Variants in APAF1 observed in about 807,000 individuals in gnomAD.
APAF1 encodes apoptotic protease-activating factor 1.
APAF1 carries 91 observed loss-of-function variants against 152.4 expected under a neutral mutation model. The observed-to-expected ratio is 0.60, with a 90% CI of 0.50 to 0.71. The LOEUF is 0.71. APAF1 is among the 30% of genes least tolerant of loss of function. APAF1 has a pLI of 0.00. For missense variants in APAF1, 1,283 were observed against 1,472.0 expected, an observed-to-expected ratio of 0.87 and a Z score of 2.10; for synonymous variants, 484 against 494.1, an observed-to-expected ratio of 0.98 and a Z score of 0.27.
At chr12:98,710,172 C>T (rs1056140925) in intron 20 of APAF1, among the ~76,000 whole-genome samples, 9 of 146,896 alleles carry the variant, frequency 6.1e-5, no homozygotes, top group African/African-American at 2.0e-4. Context: ...CCGTGCCCGG[C>T]CTAAGGGTTT....
intron 4 of APAF1, among the ~76,000 whole-genome samples, chr12:98,653,259 T>G (rs1324571055): frequency 6.6e-6 from 1 of 152,192 alleles, no homozygotes; most frequent in Non-Finnish European, 1.5e-5. Flanking sequence ...ACCTTTTCTT[T>G]TAAAAGTACA....
intron 7 of APAF1, among the ~76,000 whole-genome samples, chr12:98,665,186 C>T (rs142112677): frequency 6.7e-6 from 1 of 149,840 alleles, no homozygotes; most frequent in East Asian, 1.9e-4. Flanking sequence ...CACACCACCA[C>T]ACCTGGCTGA....
At position 98,659,331 on chromosome 12, in the gene APAF1, G is replaced by C; in HGVS notation, c.698G>C (p.Arg233Pro). ...GACCGTCTCCGCATTCTGATGCTTCGCAAACACCCAAGGTACCGATGGTCA... is the reference window on the plus strand; with the variant it reads ...GACCGTCTCCGCATTCTGATGCTTCCCAAACACCCAAGGTACCGATGGTCA... The part of the protein sequence containing the change: ...AKDRLRILML[R>P]KHPRSLLILD... The change falls in exon 5 of 27, where the codon CGC (arginine) becomes CCC (proline). Residue 233 changes from arginine (R) to proline (P), a missense_variant. Arg to Pro is a moderately radical substitution (Grantham distance 103). Transcript: ENST00000551964. 6.2e-7 allele frequency: 1 copy of C among 1,614,102 alleles called. No individual in the cohort carries two copies.
chr12:98,662,444 T>G lies in APAF1; in HGVS notation c.711-12T>G. ...AGTGTCATTAGTGATTAATATTTTT[T>G]TTTTAAATTAGGTCTCTCTTGATCT... On this transcript the variant is annotated splice_polypyrimidine_tract_variant and intron_variant, in intron 5 of 26. Coordinates refer to ENST00000551964, the MANE Select transcript of APAF1 (RefSeq NM_181861.2). The G allele has an allele frequency of 1.3e-6, 2 of 1,583,038 alleles. No individual in the cohort carries two copies. The highest frequency in any genetic ancestry group is 1.7e-6 in the Non-Finnish European group (2 of 1,152,164).
chr12:98,672,316 C>G lies in APAF1; in HGVS notation c.1793+597C>G, dbSNP rs536014845. ...AGTAGCTGGGATTATAGGCGCCCAC[C>G]ACCATGCCTGTCTAGTTTTTATATT... On this transcript the variant is annotated intron_variant, in intron 12 of 26. Transcript: ENST00000551964. Among the ~76,000 whole-genome samples, 64 of 152,208 alleles carry G rather than the reference C, an allele frequency of 4.2e-4. No individual in the cohort carries two copies. In the South Asian group the frequency reaches 0.013, roughly 31 times the overall value.
At position 98,677,428 on chromosome 12, in the gene APAF1, CA is replaced by C. The variant is rs758129366; in HGVS notation, c.1805del (p.Asn602ThrfsTer8). The C allele has an allele frequency of 1.9e-6, 3 of 1,612,754 alleles. No homozygotes were observed. The highest frequency in any genetic ancestry group is 2.5e-6 in the Non-Finnish European group (3 of 1,179,282). On this transcript the variant is annotated frameshift_variant, in exon 13 of 27. Coordinates refer to ENST00000551964, the MANE Select transcript of APAF1 (RefSeq NM_181861.2). LOFTEE classifies it high-confidence loss of function. Reference protein sequence around the residue: ...NGMLYLEWINKKNITNLSRLV... With the variant: ...NGMLYLEWINXKNITNLSRLV... The stretch of plus-strand genomic sequence containing the variant: ...TTCATTTTTTCCCTGTATTTAGAAA[CA>C]AAAAAAACATCACGAATCTTTCCCG...
chr12:98,688,000 C>T (rs1322656826), intron 16 of APAF1, among the ~76,000 whole-genome samples: 3 of 151,990 alleles, frequency 2.0e-5, no homozygotes, highest in African/African-American at 7.3e-5. Flanking sequence ...TTAGTAGAGA[C>T]GGAGTTTCAC....
In APAF1 at chr12:98,732,839, A is replaced by G; in HGVS notation, c.*273A>G. ...CATACCTTGTTGTACTGTTGGTAAA[A>G]TTCTGTCTTGATGCATTCAAAATGG... On this transcript the variant is annotated 3_prime_UTR_variant, in exon 27 of 27. Transcript: ENST00000551964. 2.6e-6 allele frequency: 1 copy of G among 389,612 alleles called. No homozygotes were observed. Among genetic ancestry groups the G allele is most frequent in the East Asian group, 5.8e-5 (1 of 17,278 alleles). 24.1% of individuals were successfully genotyped at this position (389,612 alleles called of 1,614,324 possible).
intron 2 of APAF1, 43 bp from the exon 3 acceptor site, chr12:98,648,583 T>C (rs202244203): frequency 1.0e-4 from 166 of 1,610,242 alleles, no homozygotes; most frequent in Middle Eastern, 8.3e-4. Context: ...TTATGTTGCA[T>C]ACATATTCAT....
intron 22 of APAF1, among the ~76,000 whole-genome samples, chr12:98,717,158 G>A (rs1209256494): frequency 7.9e-5 from 12 of 151,842 alleles, no homozygotes; most frequent in Non-Finnish European, 1.5e-4. Context: ...ATGAGCCCCC[G>A]CACCTGGCCT....
At chr12:98,676,445 G>C (rs2097686598) in intron 12 of APAF1, among the ~76,000 whole-genome samples, 1 of 152,046 alleles carries the variant, frequency 6.6e-6, no homozygotes, top group African/African-American at 2.4e-5. Context: ...CTGACCTCAA[G>C]TGATCTGCCC....
intron 4 of APAF1, among the ~76,000 whole-genome samples, chr12:98,652,035 G>A (rs191682576): frequency 8.5e-4 from 130 of 152,188 alleles, no homozygotes; most frequent in Admixed American, 2.2e-3. Context: ...GGTTGGTCTC[G>A]AACTCCTGAG....
intron 4 of APAF1, among the ~76,000 whole-genome samples, chr12:98,654,580 G>T (rs1363903383): frequency 6.6e-6 from 1 of 151,872 alleles, no homozygotes; most frequent in African/African-American, 2.4e-5. Flanking sequence ...GCTAATTTTT[G>T]TATTTTTAGT....
intron 22 of APAF1, among the ~76,000 whole-genome samples, chr12:98,717,365 C>T (rs1361421264): frequency 6.6e-6 from 1 of 151,172 alleles, no homozygotes; most frequent in African/African-American, 2.4e-5. Flanking sequence ...CACACACACA[C>T]ACATATAATT....
chr12:98,718,332 A>C (rs1213697874), intron 22 of APAF1, among the ~76,000 whole-genome samples: 2 of 152,066 alleles, frequency 1.3e-5, no homozygotes, highest in Non-Finnish European at 2.9e-5. Context: ...TCCGAGGTTC[A>C]AGTGATTCTT....
At chr12:98,715,234 GCATATATATATA>G (rs1281164804) in intron 21 of APAF1, among the ~76,000 whole-genome samples, 181 bp from the exon 22 acceptor site, 684 of 58,344 alleles carry the variant, frequency 0.012, 7 homozygotes, top group Non-Finnish European at 0.017. Context: ...TACATGGTGT[GCATATATATATA>G]TATATATATA....
chr12:98,670,156 G>T (rs868615024), intron 10 of APAF1, among the ~76,000 whole-genome samples: 2 of 152,188 alleles, frequency 1.3e-5, no homozygotes, highest in African/African-American at 4.8e-5. Context: ...TGTTGCCCAG[G>T]CTGATCTTGA....
chr12:98,654,904 A>G (rs1173145716), intron 4 of APAF1, among the ~76,000 whole-genome samples: 3 of 124,546 alleles, frequency 2.4e-5, no homozygotes, highest in Non-Finnish European at 3.3e-5. Context: ...TCATGGGACA[A>G]TAGTGGAGGG....
chr12:98,667,102 A>G (rs2097673837), intron 9 of APAF1, among the ~76,000 whole-genome samples: 1 of 150,104 alleles, frequency 6.7e-6, no homozygotes, highest in South Asian at 2.1e-4. Flanking sequence ...TTCTCTGTAT[A>G]TATATATGTA....
Sources: allele counts gnomAD v4.1 joint callset (sites outside exome capture counted in the v4.1 genomes callset), GRCh38; gene constraint gnomAD v4.1.1; transcripts MANE v1.5; gene names NCBI Gene and HGNC (gene_info 2026-07-23, HGNC 2026-07-21).